Variants in PKD2L1 observed in about 807,000 individuals in gnomAD.
The protein encoded by PKD2L1 is polycystin 2 like 1, transient receptor potential cation channel.
In PKD2L1, 77 loss-of-function variants were observed where a neutral mutation model predicts 93.0. That is an observed-to-expected ratio of 0.83 (90% CI 0.69 to 1.00). PKD2L1 has a LOEUF of 1.00. Ranked by LOEUF, PKD2L1 falls within the 50% of genes least tolerant of loss-of-function variation. PKD2L1 has a pLI of 0.00. For synonymous variants in PKD2L1, 390 were observed against 388.0 expected (o/e 1.01, Z -0.06); for missense variants, 977 against 990.9 (o/e 0.99, Z 0.19).
chr10:100,309,991 T>TAGCATTTCCAAAAAGGTTGC (rs1249202172), intron 2 of PKD2L1, among the ~76,000 whole-genome samples: 1 of 152,186 alleles, frequency 6.6e-6, no homozygotes, highest in Non-Finnish European at 1.5e-5. Context: ...ATGGCAACCA[T>TAGCATTTCCAAAAAGGTTGC]AGCATTTCCA....
chr10:100,304,549 G>T (rs1412882971), intron 2 of PKD2L1, among the ~76,000 whole-genome samples: 2 of 151,520 alleles, frequency 1.3e-5, no homozygotes, highest in Non-Finnish European at 2.9e-5. Context: ...GCTGGAGTGG[G>T]GTGGCACTAT....
At position 100,293,070 on chromosome 10, in the gene PKD2L1, C is replaced by T; in HGVS notation, c.1759-1G>A. 6.2e-7 allele frequency: 1 copy of T among 1,613,552 alleles called. No individual in the cohort carries two copies. The highest frequency in any genetic ancestry group is 8.5e-7 in the Non-Finnish European group (1 of 1,179,746). ...GTCTTAGTAGGGTCTTGTTGTAGCC[C>T]TGAAAGGGAAAGGAAATAGGCACAA... On this transcript the variant is annotated splice_acceptor_variant, in intron 10 of 15. Coordinates refer to ENST00000318222, the MANE Select transcript of PKD2L1 (RefSeq NM_016112.3). LOFTEE classifies it high-confidence loss of function.
chr10:100,305,601 G>A lies in PKD2L1; in HGVS notation c.350-5883C>T, dbSNP rs140928397. Among the ~76,000 whole-genome samples the A allele has an allele frequency of 3.8e-3, 584 of 152,282 alleles. 2 individuals are homozygous for A. Among genetic ancestry groups the A allele is most frequent in the Middle Eastern group, 0.034 (10 of 294 alleles). On this transcript the variant is annotated intron_variant, in intron 2 of 15. Transcript: ENST00000318222. Reference sequence around the variant, plus strand: ...GGTAAGAGAAATAAAGCCAGTCCTTGATTGACCTAGCAAGCAAGCACAGTT... The same window carrying A: ...GGTAAGAGAAATAAAGCCAGTCCTTAATTGACCTAGCAAGCAAGCACAGTT...
intron 2 of PKD2L1, among the ~76,000 whole-genome samples, chr10:100,307,011 G>A (rs1848819302): frequency 6.6e-6 from 1 of 152,020 alleles, no homozygotes; most frequent in African/African-American, 2.4e-5. Context: ...CTACAGTCAA[G>A]AACCAGCCTG....
At chr10:100,292,826 C>T (rs531037037) in intron 11 of PKD2L1, 122 bp downstream of exon 11, 1 of 1,006,742 alleles carries the variant, frequency 9.9e-7, no homozygotes, top group Non-Finnish European at 1.4e-6. Context: ...GATCTGAAGC[C>T]TGCAAGTCAA....
chr10:100,315,027 A>G, intron 2 of PKD2L1, among the ~76,000 whole-genome samples: 2 of 10,840 alleles, frequency 1.8e-4, no homozygotes, highest in African/African-American at 1.3e-3. Flanking sequence ...AAGGGAAGGG[A>G]AGGGAAGGGA....
At chr10:100,302,287 A>G (rs1247633307) in intron 2 of PKD2L1, among the ~76,000 whole-genome samples, 7 of 151,396 alleles carry the variant, frequency 4.6e-5, no homozygotes, top group African/African-American at 1.7e-4. Context: ...ACACATATCA[A>G]TTAGAACCTA....
intron 2 of PKD2L1, among the ~76,000 whole-genome samples, chr10:100,317,936 T>TG (rs989279596): frequency 2.0e-5 from 3 of 151,992 alleles, no homozygotes; most frequent in Non-Finnish European, 4.4e-5. Flanking sequence ...AAAAATTAGC[T>TG]GGGTGTGGTG....
In PKD2L1 at chr10:100,290,392, T is replaced by G. The variant is rs775989388; in HGVS notation, c.2126+9A>C. On this transcript the variant is annotated intron_variant, in intron 13 of 15. Coordinates refer to ENST00000318222, the MANE Select transcript of PKD2L1 (RefSeq NM_016112.3). ...CAGCCCTGAACCAGCCTTTCTTGGC[T>G]GCACGTACATGTAGAATTCTTCTCC... 2.5e-6 allele frequency: 4 copies of G among 1,576,094 alleles called. No homozygotes were observed. The highest frequency in any genetic ancestry group is 2.6e-6 in the Non-Finnish European group (3 of 1,146,950).
At chr10:100,299,328 T>C (rs1848624974) in intron 3 of PKD2L1, among the ~76,000 whole-genome samples, 1 of 152,184 alleles carries the variant, frequency 6.6e-6, no homozygotes, top group Non-Finnish European at 1.5e-5. Flanking sequence ...CTACTCTTTA[T>C]TTAAAATTCG....
intron 2 of PKD2L1, among the ~76,000 whole-genome samples, chr10:100,307,147 C>T (rs1342016085): frequency 6.6e-6 from 1 of 152,190 alleles, no homozygotes; most frequent in Non-Finnish European, 1.5e-5. Flanking sequence ...TGCCTCAAAA[C>T]ACCTATTACG....
At chr10:100,289,925 TC>T in intron 14 of PKD2L1, 89 bp downstream of exon 14, 9 of 1,454,108 alleles carry the variant, frequency 6.2e-6, no homozygotes, top group Non-Finnish European at 7.7e-6. Context: ...CATAGGTCTT[TC>T]AAAAATGTTC....
intron 11 of PKD2L1, among the ~76,000 whole-genome samples, chr10:100,292,018 A>T (rs892554949): frequency 6.6e-6 from 1 of 151,750 alleles, no homozygotes; most frequent in Non-Finnish European, 1.5e-5. Flanking sequence ...TTCTTGGAAG[A>T]GCCTTCCTCT....
In PKD2L1 at chr10:100,321,746, A is replaced by G. The variant is rs868630753; in HGVS notation, c.349+7465T>C. On this transcript the variant is annotated intron_variant, in intron 2 of 15. Transcript: ENST00000318222. Reference sequence around the variant, plus strand: ...AAGAAAGAAAGAAAGAAAGAAAGAAAGAAAGAAAGAAGGGAGGGAGGGAGG... The same window carrying G: ...AAGAAAGAAAGAAAGAAAGAAAGAAGGAAAGAAAGAAGGGAGGGAGGGAGG... Among the ~76,000 whole-genome samples, 34 of 6,474 alleles carry G rather than the reference A, an allele frequency of 5.3e-3. 1 individual carries two copies. Among genetic ancestry groups the G allele is most frequent in the Non-Finnish European group, 9.9e-3 (26 of 2,626 alleles). 4.2% of individuals were successfully genotyped at this position (6,474 alleles called of 152,430 possible). A position where few individuals can be genotyped will look rare whatever the true frequency, so the allele number is the denominator to read the frequency against.
Position 100,321,758 on chromosome 10 carries a change from G to GAAAGAAAGAAA in PKD2L1, c.349+7452_349+7453insTTTCTTTCTTT, listed in dbSNP as rs1564894560. Among the ~76,000 whole-genome samples the GAAAGAAAGAAA allele has an allele frequency of 1.4e-3, 2 of 1,386 alleles. 1 individual carries two copies. The highest frequency in any genetic ancestry group is 0.025 in the East Asian group (2 of 80). The allele number at this position is 1,386 out of a possible 152,430, so 0.9% of individuals were successfully genotyped here. A position where few individuals can be genotyped will look rare whatever the true frequency, so the allele number is the denominator to read the frequency against. The stretch of plus-strand genomic sequence containing the variant: ...AAGAAAGAAAGAAAGAAAGAAAGAA[G>GAAAGAAAGAAA]GGAGGGAGGGAGGGAGGGAGGGAGG... On this transcript the variant is annotated intron_variant, in intron 2 of 15. Coordinates refer to ENST00000318222, the MANE Select transcript of PKD2L1 (RefSeq NM_016112.3).
chr10:100,303,799 A>G (rs1281182432), intron 2 of PKD2L1, among the ~76,000 whole-genome samples: 1 of 152,216 alleles, frequency 6.6e-6, no homozygotes, highest in African/African-American at 2.4e-5. Context: ...CCCGCTGGAA[A>G]TCAAACTTCT....
chr10:100,305,969 G>A (rs1225517673), intron 2 of PKD2L1, among the ~76,000 whole-genome samples: 2 of 152,064 alleles, frequency 1.3e-5, no homozygotes, highest in African/African-American at 4.8e-5. Flanking sequence ...GATCACTTGA[G>A]TCCAGGAGTT....
rs963014976 is a variant in PKD2L1, at chr10:100,290,312, G to C, written c.2126+89C>G. On this transcript the variant is annotated intron_variant, in intron 13 of 15. Coordinates refer to ENST00000318222, the MANE Select transcript of PKD2L1 (RefSeq NM_016112.3). Reference sequence around the variant, plus strand: ...GAGGTTCTCCCTGGGGTAGGACAGAGAATTGGAAAGTTGTGGGAAAAGTAC... The same window carrying C: ...GAGGTTCTCCCTGGGGTAGGACAGACAATTGGAAAGTTGTGGGAAAAGTAC... 6 of 1,266,260 alleles carry C rather than the reference G, an allele frequency of 4.7e-6. No homozygotes were observed. The African/African-American group carries it at 8.8e-5, about 19-fold the overall frequency. 78.4% of individuals were successfully genotyped at this position (1,266,260 alleles called of 1,614,324 possible).
chr10:100,321,703 G>A (rs1443260421), intron 2 of PKD2L1, among the ~76,000 whole-genome samples: 28 of 3,880 alleles, frequency 7.2e-3, no homozygotes, highest in South Asian at 0.013. Context: ...AAGAAAGAAA[G>A]AAAGAAAGAA....
Sources: allele counts gnomAD v4.1 joint callset (sites outside exome capture counted in the v4.1 genomes callset), GRCh38; gene constraint gnomAD v4.1.1; transcripts MANE v1.5; gene names NCBI Gene and HGNC (gene_info 2026-07-23, HGNC 2026-07-21).